Variants in CSMD1 observed in about 807,000 individuals in gnomAD.
The protein encoded by CSMD1 is CUB and sushi domain-containing protein 1.
In CSMD1, 213 loss-of-function variants were observed where a neutral mutation model predicts 417.5. The ratio of observed to expected loss-of-function variants is 0.51; its 90% CI spans 0.46 to 0.57. CSMD1 has a LOEUF of 0.57. CSMD1 is among the 20% of genes least tolerant of loss of function. The probability of loss-of-function intolerance (pLI) is 0.00; values close to 1 mark genes in which losing one functional copy is unlikely to be tolerated. For missense variants in CSMD1, 6,923 were observed against 4,529.7 expected, an observed-to-expected ratio of 1.53 and a Z score of -15.17; for synonymous variants, 2,862 against 1,736.8, an observed-to-expected ratio of 1.65 and a Z score of -16.11.
At chr8:3,205,268 T>C (rs939505120) in intron 31 of CSMD1, among the ~76,000 whole-genome samples, 4 of 152,208 alleles carry the variant, frequency 2.6e-5, no homozygotes, top group African/African-American at 9.6e-5. Context: ...TAATTCTCTC[T>C]GATTATTTCG....
intron 5 of CSMD1, among the ~76,000 whole-genome samples, chr8:3,983,162 G>T (rs1297489412): frequency 5.5e-5 from 7 of 126,378 alleles, no homozygotes; most frequent in Non-Finnish European, 8.4e-5. Context: ...ACGGACTCTC[G>T]CTCTGTCACC....
intron 50 of CSMD1, among the ~76,000 whole-genome samples, chr8:3,045,753 G>C (rs969813411): frequency 6.6e-6 from 1 of 152,120 alleles, no homozygotes; most frequent in African/African-American, 2.4e-5. Context: ...TCTCTTCTCC[G>C]ATTTTCTGGA....
At chr8:4,133,280 T>C (rs1056437251) in intron 3 of CSMD1, among the ~76,000 whole-genome samples, 3 of 152,192 alleles carry the variant, frequency 2.0e-5, no homozygotes, top group African/African-American at 7.2e-5. Context: ...TCAATAAAAC[T>C]GATTTGCTTA....
chr8:3,441,553 A>G (rs1004630143), intron 12 of CSMD1, among the ~76,000 whole-genome samples: 4 of 151,302 alleles, frequency 2.6e-5, no homozygotes, highest in Non-Finnish European at 5.9e-5. Flanking sequence ...AGGACATTTC[A>G]ATCAATGATG....
chr8:3,187,156 C>G (rs901200925), intron 36 of CSMD1, among the ~76,000 whole-genome samples: 1 of 152,172 alleles, frequency 6.6e-6, no homozygotes, highest in Non-Finnish European at 1.5e-5. Context: ...GAGATAATCG[C>G]AATACTGATC....
intron 3 of CSMD1, among the ~76,000 whole-genome samples, chr8:4,251,704 T>C (rs1803088878): frequency 6.6e-6 from 1 of 152,108 alleles, no homozygotes; most frequent in Non-Finnish European, 1.5e-5. Flanking sequence ...GACAGTTAAA[T>C]GTATGTGTAC....
chr8:4,878,789 T>C (rs1041569370), intron 1 of CSMD1, among the ~76,000 whole-genome samples: 1 of 151,812 alleles, frequency 6.6e-6, no homozygotes, highest in African/African-American at 2.4e-5. Flanking sequence ...AGTTTGAGTT[T>C]ATCCCTCCTC....
intron 1 of CSMD1, among the ~76,000 whole-genome samples, chr8:4,908,004 TATTACTTTTAAAATA>T (rs201253091): frequency 0.015 from 2,257 of 152,250 alleles, 54 homozygotes; most frequent in African/African-American, 0.052. Context: ...ATCTGGGAAT[TATTACTTTTAAAATA>T]ATTACTTTTC....
intron 68 of CSMD1, among the ~76,000 whole-genome samples, chr8:2,943,590 G>T (rs1802032613): frequency 6.6e-6 from 1 of 152,208 alleles, no homozygotes; most frequent in South Asian, 2.1e-4. Flanking sequence ...TATCATGAAG[G>T]TGATAGAATC....
intron 1 of CSMD1, among the ~76,000 whole-genome samples, chr8:4,885,167 G>C (rs923131490): frequency 6.6e-6 from 1 of 151,922 alleles, no homozygotes; most frequent in African/African-American, 2.4e-5. Flanking sequence ...CAATTGATTT[G>C]TCTACTTTAT....
chr8:3,741,124 G>C (rs189760003), intron 6 of CSMD1, among the ~76,000 whole-genome samples: 2 of 146,390 alleles, frequency 1.4e-5, no homozygotes, highest in Non-Finnish European at 3.0e-5. Flanking sequence ...TGAGGCAAGA[G>C]AATCACTTGA....
intron 26 of CSMD1, among the ~76,000 whole-genome samples, chr8:3,265,052 C>T (rs780429717): frequency 1.3e-5 from 2 of 152,140 alleles, no homozygotes; most frequent in Non-Finnish European, 2.9e-5. Context: ...CTTTAGGGCA[C>T]TTCAGAAGGC....
intron 7 of CSMD1, among the ~76,000 whole-genome samples, chr8:3,674,153 A>G (rs1194864253): frequency 3.9e-5 from 6 of 152,164 alleles, no homozygotes; most frequent in African/African-American, 1.2e-4. Context: ...GTCAATGTTG[A>G]GCAACATTCA....
chr8:4,593,981 C>A (rs768202018), intron 2 of CSMD1, among the ~76,000 whole-genome samples: 72 of 151,906 alleles, frequency 4.7e-4, no homozygotes, highest in Non-Finnish European at 7.8e-4. Context: ...TGTGGAGGAC[C>A]CTTCTTGTCT....
chr8:3,123,757 A>G (rs536901246), intron 41 of CSMD1, among the ~76,000 whole-genome samples: 1 of 152,332 alleles, frequency 6.6e-6, no homozygotes, highest in Admixed American at 6.5e-5. Context: ...ACCAGAATAC[A>G]ATATTAACAA....
chr8:4,808,245 G>C (rs534876465), intron 1 of CSMD1, among the ~76,000 whole-genome samples: 3 of 152,146 alleles, frequency 2.0e-5, no homozygotes, highest in Non-Finnish European at 4.4e-5. Context: ...CATTAGGAAC[G>C]ATGATCAGAG....
intron 2 of CSMD1, among the ~76,000 whole-genome samples, chr8:4,513,306 A>C (rs1031109498): frequency 2.0e-5 from 3 of 152,278 alleles, no homozygotes; most frequent in Admixed American, 2.0e-4. Flanking sequence ...TGCACCTAAA[A>C]CTACTCTACA....
intron 26 of CSMD1, among the ~76,000 whole-genome samples, chr8:3,269,549 C>T (rs973135274): frequency 2.0e-5 from 3 of 152,176 alleles, no homozygotes; most frequent in Non-Finnish European, 4.4e-5. Context: ...TGTCATGTAG[C>T]TGTTACATTA....
chr8:4,071,115 C>CT (rs201223076), intron 3 of CSMD1, among the ~76,000 whole-genome samples: 49 of 150,908 alleles, frequency 3.2e-4, no homozygotes, highest in Non-Finnish European at 4.9e-4. Context: ...ACTCTTGAGT[C>CT]TTTTTTTTTC....
Sources: gnomAD v4.1 joint callset for allele counts (sites outside exome capture counted in the v4.1 genomes callset) on GRCh38, gnomAD v4.1.1 for gene constraint, MANE v1.5 for transcripts, NCBI Gene and HGNC (gene_info 2026-07-23, HGNC 2026-07-21) for gene names.